KIAA1217: variants seen among roughly 807,000 people sequenced by gnomAD.
KIAA1217 encodes KIAA1217, also known as sickle tail protein homolog.
Under a neutral mutation model 163.9 loss-of-function variants are expected in KIAA1217, and 88 were observed. That is an observed-to-expected ratio of 0.54 (90% CI 0.45 to 0.64). The LOEUF is 0.64. KIAA1217 is among the 30% of genes least tolerant of loss of function. The pLI is 0.00. For missense variants in KIAA1217, 2,372 were observed against 2,475.0 expected, an observed-to-expected ratio of 0.96 and a Z score of 0.88; for synonymous variants, 903 against 923.1, an observed-to-expected ratio of 0.98 and a Z score of 0.39.
intron 1 of KIAA1217, among the ~76,000 whole-genome samples, chr10:23,756,695 C>A (rs1225201978): frequency 2.0e-5 from 3 of 152,108 alleles, no homozygotes; most frequent in Non-Finnish European, 4.4e-5. Context: ...TCAAAAATAG[C>A]TATTTAAAAA....
At chr10:24,029,182 T>C (rs1848091136) in intron 2 of KIAA1217, among the ~76,000 whole-genome samples, 1 of 152,192 alleles carries the variant, frequency 6.6e-6, no homozygotes, top group African/African-American at 2.4e-5. Context: ...TACCTTAGAT[T>C]AGATGCATGA....
intron 1 of KIAA1217, among the ~76,000 whole-genome samples, chr10:23,732,760 A>G (rs1032749574): frequency 2.0e-5 from 3 of 151,978 alleles, no homozygotes; most frequent in Non-Finnish European, 4.4e-5. Context: ...TTTTCCTAAT[A>G]TGTGTATTCA....
chr10:23,807,238 T>A (rs1191025054), intron 1 of KIAA1217, among the ~76,000 whole-genome samples: 1 of 152,222 alleles, frequency 6.6e-6, no homozygotes, highest in Admixed American at 6.5e-5. Flanking sequence ...ATGGCTTTTG[T>A]TTAGTGGATT....
chr10:23,942,231 C>T (rs546406913), intron 1 of KIAA1217, among the ~76,000 whole-genome samples: 24 of 152,096 alleles, frequency 1.6e-4, no homozygotes, highest in Admixed American at 4.6e-4. Flanking sequence ...CAATGAGATG[C>T]CATGGATTTG....
chr10:24,545,150 A>G lies in KIAA1217; in HGVS notation c.5334+47A>G, dbSNP rs367687589. 251 of 1,610,480 alleles carry G rather than the reference A, an allele frequency of 1.6e-4. No homozygotes were observed. The highest frequency in any genetic ancestry group is 2.1e-4 in the Non-Finnish European group (245 of 1,177,290). ...TTTTGGATGGACGCTATTTCAGTTA[A>G]GCAAGTCACTGACTTAGTTTATACC... On this transcript the variant is annotated intron_variant, in intron 20 of 20. Transcript: ENST00000376454.
chr10:23,955,678 C>T (rs532202530), intron 1 of KIAA1217, among the ~76,000 whole-genome samples: 3 of 152,266 alleles, frequency 2.0e-5, no homozygotes, highest in South Asian at 4.1e-4. Context: ...ATCCATCAAA[C>T]GGCAAGTTAG....
intron 1 of KIAA1217, among the ~76,000 whole-genome samples, chr10:23,896,917 G>A (rs1841731677): frequency 6.6e-6 from 1 of 152,056 alleles, no homozygotes; most frequent in Admixed American, 6.6e-5. Context: ...GAAACTCTAA[G>A]TGGACACTTA....
intron 2 of KIAA1217, among the ~76,000 whole-genome samples, chr10:24,070,640 G>A (rs1052251114): frequency 1.3e-5 from 2 of 152,190 alleles, no homozygotes; most frequent in Non-Finnish European, 2.9e-5. Flanking sequence ...AAAGTTAAAA[G>A]TCTCAGGGTC....
At chr10:24,050,982 G>C (rs1470553197) in intron 2 of KIAA1217, among the ~76,000 whole-genome samples, 4 of 152,028 alleles carry the variant, frequency 2.6e-5, no homozygotes, top group Non-Finnish European at 5.9e-5. Context: ...GCATGGAAAA[G>C]TTCTTTAGTG....
intron 2 of KIAA1217, among the ~76,000 whole-genome samples, chr10:24,069,054 C>A (rs1171557359): frequency 6.6e-6 from 1 of 152,194 alleles, no homozygotes; most frequent in Non-Finnish European, 1.5e-5. Flanking sequence ...CTTCCCTCCA[C>A]AGGGAAAAAC....
At chr10:24,465,545 A>G (rs888849051) in intron 5 of KIAA1217, among the ~76,000 whole-genome samples, 2 of 152,206 alleles carry the variant, frequency 1.3e-5, no homozygotes, top group Admixed American at 1.3e-4. Flanking sequence ...CTTCCAGCCC[A>G]GTGAGTGGAG....
At chr10:24,403,606 A>G (rs1453098800) in intron 3 of KIAA1217, among the ~76,000 whole-genome samples, 1 of 152,218 alleles carries the variant, frequency 6.6e-6, no homozygotes, top group Non-Finnish European at 1.5e-5. Context: ...ACCACATCTG[A>G]TGAAGGACCA....
chr10:24,312,165 C>T (rs1182042894), intron 2 of KIAA1217, among the ~76,000 whole-genome samples: 1 of 152,166 alleles, frequency 6.6e-6, no homozygotes, highest in Non-Finnish European at 1.5e-5. Context: ...CCTTTCAGCA[C>T]AAGGGCAGGA....
intron 2 of KIAA1217, among the ~76,000 whole-genome samples, chr10:24,239,673 ATGTGTGTG>A (rs150874554): frequency 1.4e-5 from 2 of 147,544 alleles, no homozygotes; most frequent in African/African-American, 2.5e-5. Context: ...TTATTCCCAG[ATGTGTGTG>A]TGTGTGTGTG....
intron 2 of KIAA1217, among the ~76,000 whole-genome samples, chr10:24,354,100 A>C (rs537906229): frequency 6.6e-6 from 1 of 152,222 alleles, no homozygotes; most frequent in Non-Finnish European, 1.5e-5. Flanking sequence ...GATTGAACAT[A>C]TGAACTGCCA....
At chr10:24,198,182 T>TAA (rs2067079403) in intron 2 of KIAA1217, among the ~76,000 whole-genome samples, 2 of 152,256 alleles carry the variant, frequency 1.3e-5, no homozygotes, top group African/African-American at 4.8e-5. Flanking sequence ...CAGTGGGTAA[T>TAA]ATTTCTGTCC....
chr10:24,291,594 G>C (rs1425341200), intron 2 of KIAA1217, among the ~76,000 whole-genome samples: 1 of 152,140 alleles, frequency 6.6e-6, no homozygotes, highest in East Asian at 1.9e-4. Flanking sequence ...TGGAGCGTGA[G>C]GACACTTGTA....
In KIAA1217 at chr10:24,546,218, G is replaced by A. The variant is rs1257910791; in HGVS notation, c.5726G>A (p.Gly1909Asp). 1.9e-6 allele frequency: 3 copies of A among 1,614,050 alleles called. No individual in the cohort carries two copies. Among genetic ancestry groups the A allele is most frequent in the Non-Finnish European group, 2.5e-6 (3 of 1,180,018 alleles). The stretch of plus-strand genomic sequence containing the variant: ...GCCTCCTCCGTCTCACTGAATCAAG[G>A]TGCCAAGGGCACCAGGACCATCCAT... ...SPASSVSLNQ[G>D]AKGTRTIHTP... The change falls in exon 21 of 21, where the codon GGT (glycine) becomes GAT (aspartate). Residue 1909 changes from glycine to aspartate, a missense_variant. Gly to Asp is a moderately conservative substitution (Grantham distance 94). Around this residue, in one of 3 missense-constraint regions of KIAA1217, gnomAD observed 690 missense variants for 677.5 expected, o/e 1.02. Coordinates refer to ENST00000376454, the MANE Select transcript of KIAA1217 (RefSeq NM_019590.5).
At chr10:24,287,440 C>T (rs1037269392) in intron 2 of KIAA1217, among the ~76,000 whole-genome samples, 1 of 152,054 alleles carries the variant, frequency 6.6e-6, no homozygotes, top group Non-Finnish European at 1.5e-5. Flanking sequence ...AAACTTAGGC[C>T]GACAAATCAA....
Sources: allele counts gnomAD v4.1 joint callset (sites outside exome capture counted in the v4.1 genomes callset), GRCh38; gene constraint gnomAD v4.1.1; regional missense constraint gnomAD v4.1.1; transcripts MANE v1.5; gene names NCBI Gene and HGNC (gene_info 2026-07-23, HGNC 2026-07-21).